TSG101: variants seen among roughly 807,000 people sequenced by gnomAD.
The protein encoded by TSG101 is tumor susceptibility 101, also known as tumor susceptibility gene 101 protein.
A neutral mutation model predicts 48.5 loss-of-function variants in TSG101; 19 were observed. That is an observed-to-expected ratio of 0.39 (90% confidence interval 0.27 to 0.58). The LOEUF (loss-of-function observed/expected upper bound fraction) is 0.58. TSG101 is among the 20% of genes least tolerant of loss of function. The pLI, the probability that TSG101 is intolerant of heterozygous loss-of-function variation, is 0.55. For synonymous variants in TSG101, 174 were observed against 169.4 expected, an observed-to-expected ratio of 1.03 and a Z score of -0.21; for missense variants, 365 against 484.4, an observed-to-expected ratio of 0.75 and a Z score of 2.31.
At position 18,484,011 on chromosome 11, in the gene TSG101, G is replaced by A. The variant is rs779635168; in HGVS notation, c.702C>T (p.Val234=). 1 of 1,614,006 alleles carries A rather than the reference G, an allele frequency of 6.2e-7. No individual in the cohort carries two copies. Among genetic ancestry groups the A allele is most frequent in the African/African-American group, 1.3e-5 (1 of 74,890 alleles). ...TCATCCGCCATCTCAGTTTGTCACT[G>A]ACCGCAGAGATGAGAGAGGCTCGGA... ...DTIRASLISA[V]SDKLRWRMKE... The change falls in exon 8 of 10, where the codon GTC becomes GTT. Residue 234 remains valine (V), a synonymous_variant. Coordinates refer to ENST00000251968, the MANE Select transcript of TSG101 (RefSeq NM_006292.4).
chr11:18,484,263 A>T (rs1048609185), intron 7 of TSG101, among the ~76,000 whole-genome samples, 191 bp from the exon 8 acceptor site: 1 of 152,254 alleles, frequency 6.6e-6, no homozygotes, highest in African/African-American at 2.4e-5. Flanking sequence ...TTGCCCTACA[A>T]GAGATTACTA....
At chr11:18,518,776 C>T (rs951955764) in intron 2 of TSG101, among the ~76,000 whole-genome samples, 6 of 151,776 alleles carry the variant, frequency 4.0e-5, no homozygotes, top group Non-Finnish European at 7.4e-5. Flanking sequence ...TTGCTCGTCT[C>T]GGTGATACAC....
chr11:18,514,483 T>C (rs750291650), intron 4 of TSG101, among the ~76,000 whole-genome samples, 195 bp downstream of exon 4: 2 of 152,224 alleles, frequency 1.3e-5, no homozygotes, highest in Non-Finnish European at 2.9e-5. Context: ...ATAAGTATTC[T>C]GAAAATTACA....
intron 7 of TSG101, among the ~76,000 whole-genome samples, chr11:18,499,220 A>G (rs1391462149): frequency 7.2e-6 from 1 of 138,262 alleles, no homozygotes; most frequent in Non-Finnish European, 1.5e-5. Context: ...AAATATATAT[A>G]TTTATATATG....
chr11:18,490,160 A>AT, intron 7 of TSG101: 1 of 209,298 alleles, frequency 4.8e-6, no homozygotes, highest in Non-Finnish European at 1.0e-5. Context: ...ACATACAATT[A>AT]TTTTTTACCA....
chr11:18,497,234 T>C (rs1285538014), intron 7 of TSG101, among the ~76,000 whole-genome samples: 1 of 152,240 alleles, frequency 6.6e-6, no homozygotes, highest in Non-Finnish European at 1.5e-5. Flanking sequence ...ATGATACTTT[T>C]ATGTTTCTGC....
At chr11:18,499,761 A>G (rs763367848) in intron 7 of TSG101, among the ~76,000 whole-genome samples, 2 of 151,956 alleles carry the variant, frequency 1.3e-5, no homozygotes, top group Non-Finnish European at 2.9e-5. Flanking sequence ...CGTGGGTACC[A>G]TGTGATATTT....
intron 8 of TSG101, 104 bp from the exon 9 acceptor site, chr11:18,481,973 A>G: frequency 6.9e-7 from 1 of 1,458,438 alleles, no homozygotes; most frequent in Admixed American, 2.1e-5. Flanking sequence ...CCATGTTTAA[A>G]CAACTCATGG....
chr11:18,488,254 T>C (rs1363717229), intron 7 of TSG101, among the ~76,000 whole-genome samples: 1 of 152,232 alleles, frequency 6.6e-6, no homozygotes, highest in African/African-American at 2.4e-5. Flanking sequence ...TTTTTTCTTT[T>C]TTTGGTTTGT....
intron 7 of TSG101, among the ~76,000 whole-genome samples, chr11:18,493,539 A>G (rs936702173): frequency 1.3e-5 from 2 of 152,190 alleles, no homozygotes; most frequent in Non-Finnish European, 2.9e-5. Flanking sequence ...GCAAAAGTAA[A>G]CTACCTGCCC....
At chr11:18,502,827 C>T (rs140111803) in intron 6 of TSG101, among the ~76,000 whole-genome samples, 15 of 152,242 alleles carry the variant, frequency 9.9e-5, no homozygotes, top group African/African-American at 2.6e-4. Flanking sequence ...CTCATAGCAG[C>T]GGAAATGTAA....
At chr11:18,514,263 T>C (rs1850133936) in intron 4 of TSG101, among the ~76,000 whole-genome samples, 1 of 152,172 alleles carries the variant, frequency 6.6e-6, no homozygotes, top group Admixed American at 6.5e-5. Context: ...TTTCTAGTTA[T>C]TTTTCATAGG....
intron 7 of TSG101, among the ~76,000 whole-genome samples, chr11:18,489,659 C>T (rs1014983623): frequency 6.6e-6 from 1 of 152,162 alleles, no homozygotes; most frequent in African/African-American, 2.4e-5. Flanking sequence ...CGAGTTTCTT[C>T]AGAGGAAGAC....
intron 1 of TSG101, among the ~76,000 whole-genome samples, chr11:18,521,629 T>C (rs1850277203): frequency 6.6e-6 from 1 of 150,764 alleles, no homozygotes; most frequent in Non-Finnish European, 1.5e-5. Context: ...CCTTCCAAAG[T>C]GTTGGTATTA....
chr11:18,505,728 A>C (rs1257516478), intron 6 of TSG101, among the ~76,000 whole-genome samples: 2 of 152,222 alleles, frequency 1.3e-5, no homozygotes, highest in African/African-American at 4.8e-5. Context: ...CAGGTAGTCT[A>C]TGAACTGAAT....
chr11:18,509,583 G>A lies in TSG101; in HGVS notation c.440C>T (p.Ser147Leu), dbSNP rs140156278. 1.6e-5 allele frequency: 26 copies of A among 1,613,720 alleles called. No individual in the cohort carries two copies. The highest frequency in any genetic ancestry group is 8.9e-5 in the East Asian group (4 of 44,888). ...DEPPVFSRPI[S>L]ASYPPYQATG... is the part of the protein sequence containing the mutation. Reference sequence around the variant, plus strand: ...TGCCTGGTATGGCGGATAGGATGCCGAAATAGGACGAGAGAAGACTGGAGG... The same window carrying A: ...TGCCTGGTATGGCGGATAGGATGCCAAAATAGGACGAGAGAAGACTGGAGG... Residue 147 changes from serine (S) to leucine (L), a missense_variant, in exon 5 of 10, where the codon TCG becomes TTG. Physicochemically the swap from Ser to Leu is moderately radical, Grantham distance 145 (BLOSUM62 -2). Transcript: ENST00000251968.
At chr11:18,521,025 C>T (rs1057091101) in intron 1 of TSG101, among the ~76,000 whole-genome samples, 11 of 150,034 alleles carry the variant, frequency 7.3e-5, no homozygotes, top group Non-Finnish European at 1.2e-4. Context: ...AGCTAGACTC[C>T]GTCTTGGAAA....
At chr11:18,508,836 A>G (rs543005724) in intron 5 of TSG101, 36 of 44,808 alleles carry the variant, frequency 8.0e-4, no homozygotes, top group Non-Finnish European at 1.7e-3. Flanking sequence ...AATCTTAAAG[A>G]AAATTTACCA....
At chr11:18,514,257 T>C (rs375904335) in intron 4 of TSG101, among the ~76,000 whole-genome samples, 2 of 152,222 alleles carry the variant, frequency 1.3e-5, no homozygotes, top group East Asian at 1.9e-4. Context: ...CTTGCTTTTC[T>C]AGTTATTTTT....
Sources: gnomAD v4.1 joint callset for allele counts (sites outside exome capture counted in the v4.1 genomes callset) on GRCh38, gnomAD v4.1.1 for gene constraint, MANE v1.5 for transcripts, NCBI Gene and HGNC (gene_info 2026-07-23, HGNC 2026-07-21) for gene names.